PNPLA7: variants seen among roughly 807,000 people sequenced by gnomAD.
PNPLA7 encodes patatin-like phospholipase domain-containing protein 7.
In PNPLA7, 153 loss-of-function variants were observed where a neutral mutation model predicts 161.7. The ratio of observed to expected loss-of-function variants is 0.95; its 90% CI spans 0.83 to 1.08. The LOEUF is 1.08. PNPLA7 is among the 50% of genes least tolerant of loss of function. The probability of loss-of-function intolerance (pLI) is 0.00; values close to 1 mark genes in which losing one functional copy is unlikely to be tolerated. For missense variants in PNPLA7, 1,739 were observed against 1,856.6 expected (o/e 0.94, Z 1.16); for synonymous variants, 809 against 782.1 (o/e 1.03, Z -0.57).
chr9:137,516,243 T>C (rs991473561), intron 11 of PNPLA7: 70 of 887,282 alleles, frequency 7.9e-5, no homozygotes, highest in Non-Finnish European at 8.2e-5. Flanking sequence ...GGGCGTCCCA[T>C]TGGTGGATGT....
chr9:137,494,977 C>A, intron 19 of PNPLA7, 56 bp downstream of exon 19: 1 of 1,464,274 alleles, frequency 6.8e-7, no homozygotes, highest in Non-Finnish European at 9.4e-7. Context: ...CTGTTCCATG[C>A]CCTCATCCAC....
rs1484375531 is a variant in PNPLA7, at chr9:137,546,848, G to A, written c.255C>T (p.Gly85=). ...FRKRDKVMFY[G]RKIMRKVTTL... Reference sequence around the variant, plus strand: ...CAGCTACCTTCCTCATGATCTTCCGGCCGTAAAACATCACTTTGTCTCTCT... The same window carrying A: ...CAGCTACCTTCCTCATGATCTTCCGACCGTAAAACATCACTTTGTCTCTCT... The change falls in exon 4 of 35, where the codon GGC becomes GGT. Residue 85 remains glycine (G), a synonymous_variant. Transcript: ENST00000406427. 1 of 1,613,876 alleles carries A rather than the reference G, an allele frequency of 6.2e-7. No homozygotes were observed. The highest frequency in any genetic ancestry group is 1.7e-5 in the Admixed American group (1 of 60,018).
In PNPLA7 at chr9:137,461,544, A is replaced by ATGGCGGGCT; in HGVS notation, c.3824_3832dup (p.Lys1275_Ala1277dup). ...CTTGCGCCTCCACTCACCATCCACC[A>ATGGCGGGCT]TGGCGGGCTTGGCGGGCTCAATGCG... On this transcript the variant is annotated inframe_insertion, in exon 33 of 35. Transcript: ENST00000406427. 3 of 1,612,542 alleles carry ATGGCGGGCT rather than the reference A, an allele frequency of 1.9e-6. No homozygotes were observed. Among genetic ancestry groups the ATGGCGGGCT allele is most frequent in the East Asian group, 2.2e-5 (1 of 44,832 alleles).
At chr9:137,542,602 G>A (rs1428668998) in intron 7 of PNPLA7, 40 bp downstream of exon 7, 3 of 1,507,496 alleles carry the variant, frequency 2.0e-6, no homozygotes, top group East Asian at 4.9e-5. Context: ...GGAGGTAAAT[G>A]CGCAGCCGCC....
At position 137,500,605 on chromosome 9, in the gene PNPLA7, A is replaced by G; in HGVS notation, c.1757+86T>C. 1 of 1,261,694 alleles carries G rather than the reference A, an allele frequency of 7.9e-7. No individual in the cohort carries two copies. Among genetic ancestry groups the G allele is most frequent in the Non-Finnish European group, 1.1e-6 (1 of 893,336 alleles). 78.2% of individuals were successfully genotyped at this position (1,261,694 alleles called of 1,614,324 possible). A position where few individuals can be genotyped will look rare whatever the true frequency, so the allele number is the denominator to read the frequency against. The stretch of plus-strand genomic sequence containing the variant: ...GAGAAGCAGGGAAGAGGGTGAGAGC[A>G]CCAGGAAGAGGCCGGCCACGCGGGG... On this transcript the variant is annotated intron_variant, in intron 16 of 34. Coordinates refer to ENST00000406427, the MANE Select transcript of PNPLA7 (RefSeq NM_001098537.3). This position sits in a 1 kb window ranked among gnomAD's most constrained non-coding sequence, Gnocchi z 5.5.
chr9:137,463,822 G>T (rs1022920028), intron 28 of PNPLA7, among the ~76,000 whole-genome samples: 4 of 151,890 alleles, frequency 2.6e-5, no homozygotes, highest in African/African-American at 9.7e-5. Context: ...AACCAGGTGA[G>T]CCCCTCACCC....
At chr9:137,495,442 C>T (rs998236655) in intron 18 of PNPLA7, among the ~76,000 whole-genome samples, 6 of 151,988 alleles carry the variant, frequency 3.9e-5, no homozygotes, top group Non-Finnish European at 7.4e-5. Flanking sequence ...TTGGAGAACA[C>T]CTCTTTTTTT....
At position 137,501,846 on chromosome 9, in the gene PNPLA7, G is replaced by T. The variant is rs558457638; in HGVS notation, c.1474-119C>A. The T allele has an allele frequency of 1.4e-5, 14 of 1,015,698 alleles. No individual in the cohort carries two copies. The African/African-American group carries it at 2.1e-4, about 15-fold the overall frequency. 62.9% of individuals were successfully genotyped at this position (1,015,698 alleles called of 1,614,324 possible). A position where few individuals can be genotyped will look rare whatever the true frequency, so the allele number is the denominator to read the frequency against. On this transcript the variant is annotated intron_variant, in intron 14 of 34. Transcript: ENST00000406427. The stretch of plus-strand genomic sequence containing the variant: ...GCGGTGAGGCCAGAGGCCGGGCAAG[G>T]CCCTCCTCCGAGGCTGTCCTCCAAC...
At chr9:137,465,676 GGGCTGGT>G (rs1216276584) in intron 26 of PNPLA7, among the ~76,000 whole-genome samples, 1 of 152,222 alleles carries the variant, frequency 6.6e-6, no homozygotes, top group Non-Finnish European at 1.5e-5. Flanking sequence ...CTCGCTGCTG[GGGCTGGT>G]GGCAGCCCCG....
chr9:137,480,010 CCGT>C (rs1832132355), intron 23 of PNPLA7: 1 of 733,810 alleles, frequency 1.4e-6, no homozygotes, highest in Admixed American at 6.3e-5. Flanking sequence ...AAATAGGGCA[CCGT>C]TTACGTAAAA....
chr9:137,483,550 G>A (rs1832328263), intron 21 of PNPLA7, among the ~76,000 whole-genome samples: 1 of 152,010 alleles, frequency 6.6e-6, no homozygotes, highest in African/African-American at 2.4e-5. Context: ...TACCTCCTGG[G>A]TTCAAGCGAT....
intron 33 of PNPLA7, 150 bp from the exon 34 acceptor site, chr9:137,460,887 C>A: frequency 3.1e-6 from 2 of 634,934 alleles, no homozygotes; most frequent in Non-Finnish European, 5.5e-6. Context: ...GGTCCCAGGG[C>A]AGCCCTGCAC....
chr9:137,507,303 G>A (rs1301121551), intron 12 of PNPLA7, among the ~76,000 whole-genome samples: 1 of 152,262 alleles, frequency 6.6e-6, no homozygotes, highest in South Asian at 2.1e-4. Context: ...CGAGAGGAGC[G>A]CAGCAGCCCC....
At chr9:137,462,583 C>T in intron 30 of PNPLA7, 102 bp downstream of exon 30, 1 of 1,489,372 alleles carries the variant, frequency 6.7e-7, no homozygotes, top group South Asian at 1.3e-5. Flanking sequence ...GACCTGCTGG[C>T]CTCAGAGCCC....
chr9:137,503,409 AAGG>A (rs1833609779), intron 14 of PNPLA7, among the ~76,000 whole-genome samples: 1 of 146,058 alleles, frequency 6.8e-6, no homozygotes, highest in Non-Finnish European at 1.5e-5. Flanking sequence ...GAGGAGGGAG[AAGG>A]AGAAGAAAGA....
intron 12 of PNPLA7, 124 bp from the exon 13 acceptor site, chr9:137,506,207 G>C (rs1833914015): frequency 1.4e-6 from 1 of 719,776 alleles, no homozygotes; most frequent in African/African-American, 1.8e-5. Flanking sequence ...CGAGGGAGTC[G>C]GGCCCTGAGA....
Position 137,497,274 on chromosome 9 carries a change from G to A in PNPLA7, c.1926C>T (p.Leu642=), listed in dbSNP as rs1204714262. 4.4e-6 allele frequency: 7 copies of A among 1,588,710 alleles called. No homozygotes were observed. In the East Asian group the frequency reaches 9.3e-5, roughly 21 times the overall value. ...GDKSDCTYIM[L]SGRLRSVIRK... is the part of the protein sequence containing the mutation. ...GGATCACAGAGCGCAGCCGGCCGCTGAGCATGATGTACGTGCAGTCGGACT... is the reference window on the plus strand; with the variant it reads ...GGATCACAGAGCGCAGCCGGCCGCTAAGCATGATGTACGTGCAGTCGGACT... Residue 642 remains leucine, a synonymous_variant, in exon 18 of 35, where the codon CTC becomes CTT. Transcript: ENST00000406427.
chr9:137,462,060 C>T lies in PNPLA7; in HGVS notation c.3646-19G>A. The T allele has an allele frequency of 1.2e-5, 19 of 1,561,292 alleles. No homozygotes were observed. Among genetic ancestry groups the T allele is most frequent in the Non-Finnish European group, 1.6e-5 (19 of 1,152,258 alleles). ...CCACTTCCTGTGCACACCCCCAGGG[C>T]CCCGTCAGGAGGTGTGGGGAGCCCC... On this transcript the variant is annotated intron_variant, in intron 31 of 34. Transcript: ENST00000406427.
In PNPLA7 at chr9:137,505,630, G is replaced by A. The variant is rs1356659201; in HGVS notation, c.1457C>T (p.Thr486Ile). The A allele has an allele frequency of 7.4e-6, 12 of 1,613,940 alleles. No homozygotes were observed. In the Admixed American group the frequency reaches 1.3e-4, roughly 18 times the overall value. Residue 486 changes from threonine (T) to isoleucine (I), a missense_variant, in exon 14 of 35, where the codon ACC (threonine) becomes ATC (isoleucine). Thr to Ile is a moderately conservative substitution (Grantham distance 89, BLOSUM62 -1). Around this residue, in one of 6 missense-constraint regions of PNPLA7, gnomAD observed 481 missense variants for 450.0 expected, o/e 1.07. Coordinates refer to ENST00000406427, the MANE Select transcript of PNPLA7 (RefSeq NM_001098537.3). ...IFRAAKKDLLTLMKLEDSSLL... is the reference protein window; with the variant it reads ...IFRAAKKDLLILMKLEDSSLL... ...GCCACTCACTTCCAGCTTCATCAGG[G>A]TGAGCAGGTCCTTCTTGGCAGCTCT...
Sources: gnomAD v4.1 joint callset for allele counts (sites outside exome capture counted in the v4.1 genomes callset) on GRCh38, gnomAD v4.1.1 for gene constraint, gnomAD v4.1.1 regional missense constraint, Gnocchi (gnomAD v3.1) non-coding constraint, MANE v1.5 for transcripts, NCBI Gene and HGNC (gene_info 2026-07-23, HGNC 2026-07-21) for gene names.